The following XIRP2 variants were observed in gnomAD, a reference collection of about 807,000 sequenced individuals.
The protein encoded by XIRP2 is xin actin-binding repeat-containing protein 2.
A neutral mutation model predicts 277.0 loss-of-function variants in XIRP2; 236 were observed. The ratio of observed to expected loss-of-function variants is 0.85; its 90% CI spans 0.77 to 0.95. XIRP2 has a LOEUF of 0.95. Ranked by LOEUF, XIRP2 falls within the 40% of genes least tolerant of loss-of-function variation. The pLI is 0.00. For missense variants in XIRP2, 4,640 were observed against 4,157.5 expected (o/e 1.12, Z -3.19); for synonymous variants, 1,490 against 1,416.5 (o/e 1.05, Z -1.17).
chr2:167,242,023 A>G, intron 8 of XIRP2, 113 bp downstream of exon 8: 1 of 1,349,054 alleles, frequency 7.4e-7, no homozygotes, highest in Non-Finnish European at 9.8e-7. Flanking sequence ...AAAAATTCTG[A>G]ACTGGCATTT....
intron 2 of XIRP2, among the ~76,000 whole-genome samples, chr2:166,905,196 A>G (rs1043797480): frequency 3.8e-4 from 58 of 152,188 alleles, no homozygotes; most frequent in African/African-American, 1.3e-3. Context: ...AAAGATAGTT[A>G]CAATGTCATT....
At chr2:167,078,436 C>T (rs954740786) in intron 2 of XIRP2, among the ~76,000 whole-genome samples, 1 of 152,084 alleles carries the variant, frequency 6.6e-6, no homozygotes, top group Non-Finnish European at 1.5e-5. Context: ...TGGATTTTTC[C>T]TTTTCCTATT....
intron 10 of XIRP2, 72 bp from the exon 11 acceptor site, chr2:167,257,785 A>G: frequency 6.9e-7 from 1 of 1,458,802 alleles, no homozygotes; most frequent in Non-Finnish European, 9.2e-7. Context: ...ACTCATTGAA[A>G]TAATTAATCC....
At chr2:167,147,919 C>T (rs944384369) in intron 3 of XIRP2, among the ~76,000 whole-genome samples, 2 of 152,120 alleles carry the variant, frequency 1.3e-5, no homozygotes, top group African/African-American at 4.8e-5. Flanking sequence ...TCAATCAAAC[C>T]ATTCTCAAGT....
At chr2:166,889,896 A>G (rs1051430716) in intron 1 of XIRP2, 6 of 98,042 alleles carry the variant, frequency 6.1e-5, no homozygotes, top group African/African-American at 1.7e-4. Flanking sequence ...ATAGCAAGCA[A>G]TCCTCAAGCA....
At chr2:166,949,662 A>G (rs989871657) in intron 2 of XIRP2, among the ~76,000 whole-genome samples, 1 of 152,080 alleles carries the variant, frequency 6.6e-6, no homozygotes, top group African/African-American at 2.4e-5. Flanking sequence ...TTCATGTCAG[A>G]CAATCTATCA....
intron 3 of XIRP2, among the ~76,000 whole-genome samples, chr2:167,166,087 A>G (rs1692513844): frequency 6.6e-6 from 1 of 152,040 alleles, no homozygotes; most frequent in Non-Finnish European, 1.5e-5. Flanking sequence ...TTGAAAAGTC[A>G]CTCTCCATTG....
At chr2:166,940,509 G>A (rs1013362196) in intron 2 of XIRP2, among the ~76,000 whole-genome samples, 1 of 152,196 alleles carries the variant, frequency 6.6e-6, no homozygotes, top group African/African-American at 2.4e-5. Flanking sequence ...TCCTTTGGAG[G>A]TGGAGAGTCA....
Position 167,244,663 on chromosome 2 carries a change from GT to G in XIRP2, c.3272del (p.Val1091AlafsTer22). On this transcript the variant is annotated frameshift_variant, in exon 9 of 11. Transcript: ENST00000409195. LOFTEE classifies it high-confidence loss of function. ...EQTRDIVKGD[V>X]KTCKWLFETQ... ...AACTAGAGATATTGTTAAAGGGGAT[GT>G]CAAAACCTGTAAATGGCTTTTTGAG... 1 of 1,613,488 alleles carries G rather than the reference GT, an allele frequency of 6.2e-7. No homozygotes were observed. The highest frequency in any genetic ancestry group is 2.2e-5 in the East Asian group (1 of 44,818).
At chr2:167,230,504 T>C (rs1446637548) in intron 5 of XIRP2, among the ~76,000 whole-genome samples, 1 of 152,108 alleles carries the variant, frequency 6.6e-6, no homozygotes, top group African/African-American at 2.4e-5. Context: ...ATCAAGTCTA[T>C]ATGCTAAGTA....
At chr2:167,036,756 C>G (rs1444296063) in intron 2 of XIRP2, among the ~76,000 whole-genome samples, 1 of 152,058 alleles carries the variant, frequency 6.6e-6, no homozygotes, top group East Asian at 1.9e-4. Context: ...TGTCCCCACC[C>G]AAATCTCAAC....
At chr2:166,921,311 T>C (rs1685032131) in intron 2 of XIRP2, among the ~76,000 whole-genome samples, 1 of 152,152 alleles carries the variant, frequency 6.6e-6, no homozygotes, top group African/African-American at 2.4e-5. Context: ...GTCGTTGTAC[T>C]CTTTTTCATT....
At chr2:166,982,132 T>G (rs967958109) in intron 2 of XIRP2, among the ~76,000 whole-genome samples, 1 of 152,062 alleles carries the variant, frequency 6.6e-6, no homozygotes, top group African/African-American at 2.4e-5. Flanking sequence ...TTTGGATAAC[T>G]TTTTCTTTTT....
At chr2:167,133,982 T>TC (rs1363053666) in intron 2 of XIRP2, among the ~76,000 whole-genome samples, 1 of 152,154 alleles carries the variant, frequency 6.6e-6, no homozygotes, top group Admixed American at 6.6e-5. Flanking sequence ...AAGTTCTTTT[T>TC]CTCTATTTTT....
At chr2:167,037,927 T>C (rs184150901) in intron 2 of XIRP2, among the ~76,000 whole-genome samples, 211 of 152,088 alleles carry the variant, frequency 1.4e-3, no homozygotes, top group African/African-American at 4.5e-3. Flanking sequence ...ATTTTTTATA[T>C]TCTAGATTTT....
In XIRP2 at chr2:167,248,612, C is replaced by G; in HGVS notation, c.7220C>G (p.Ser2407Cys). The change falls in exon 9 of 11, where the codon TCT becomes TGT. Residue 2407 changes from serine to cysteine, a missense_variant. By Grantham distance (112) the Ser-to-Cys change is moderately radical. Transcript: ENST00000409195. ...SQKEASNSQN[S>C]QAKIITGKTG... is the part of the protein sequence containing the mutation. The stretch of plus-strand genomic sequence containing the variant: ...AAAGAAGCCTCGAACTCTCAGAATT[C>G]TCAGGCTAAAATCATAACAGGAAAA... The G allele has an allele frequency of 6.2e-7, 1 of 1,613,664 alleles. No individual in the cohort carries two copies. Among genetic ancestry groups the G allele is most frequent in the East Asian group, 2.2e-5 (1 of 44,850 alleles).
At chr2:166,948,817 C>T (rs1685950934) in intron 2 of XIRP2, among the ~76,000 whole-genome samples, 1 of 151,990 alleles carries the variant, frequency 6.6e-6, no homozygotes, top group African/African-American at 2.4e-5. Context: ...AACAGAAAGA[C>T]AAGAGAGCTG....
At chr2:167,252,340 T>C (rs1037050151) in intron 9 of XIRP2, among the ~76,000 whole-genome samples, 3 of 151,996 alleles carry the variant, frequency 2.0e-5, no homozygotes, top group African/African-American at 7.2e-5. Flanking sequence ...TTAAATGATA[T>C]TTGCATTGAG....
At chr2:167,211,342 G>A (rs568226414) in intron 4 of XIRP2, among the ~76,000 whole-genome samples, 79 of 152,150 alleles carry the variant, frequency 5.2e-4, no homozygotes, top group African/African-American at 1.7e-3. Flanking sequence ...TGATCCGCCC[G>A]CATCAGCCTC....
Sources: allele counts gnomAD v4.1 joint callset (sites outside exome capture counted in the v4.1 genomes callset), GRCh38; gene constraint gnomAD v4.1.1; transcripts MANE v1.5; gene names NCBI Gene and HGNC (gene_info 2026-07-23, HGNC 2026-07-21).